Variants in ACOXL observed in about 807,000 individuals in gnomAD.
ACOXL encodes the protein acyl-CoA oxidase like, also known as acyl-coenzyme A oxidase-like protein.
A neutral mutation model predicts 71.9 loss-of-function variants in ACOXL; 70 were observed. The observed-to-expected ratio is 0.97, with a 90% CI of 0.80 to 1.19. The LOEUF (loss-of-function observed/expected upper bound fraction) is 1.19, where lower values mean the gene tolerates loss of function less well. ACOXL is among the 50% of genes most tolerant of loss of function. The probability of loss-of-function intolerance (pLI) is 0.00; values close to 1 mark genes in which losing one functional copy is unlikely to be tolerated. For missense variants in ACOXL, 703 were observed against 736.3 expected (o/e 0.95, Z 0.52); for synonymous variants, 253 against 281.6 (o/e 0.90, Z 1.02).
chr2:110,767,923 AACACACACACACACACAC>A (rs58524964), intron 1 of ACOXL, among the ~76,000 whole-genome samples: 2,182 of 114,444 alleles, frequency 0.019, 68 homozygotes, highest in African/African-American at 0.067. Flanking sequence ...GTCTCTACTA[AACACACACACACACACAC>A]ACACACACAC....
At chr2:110,777,276 C>T (rs943000675) in intron 2 of ACOXL, among the ~76,000 whole-genome samples, 1 of 152,028 alleles carries the variant, frequency 6.6e-6, no homozygotes, top group East Asian at 1.9e-4. Context: ...AAGGGTGGAG[C>T]CTGGTGGGAA....
intron 9 of ACOXL, among the ~76,000 whole-genome samples, chr2:110,813,404 C>T (rs1687569968): frequency 6.6e-6 from 1 of 152,160 alleles, no homozygotes; most frequent in Non-Finnish European, 1.5e-5. Context: ...GTGCTCCCAG[C>T]CAGGCCTCTG....
At chr2:111,081,648 C>T (rs575807216) in intron 16 of ACOXL, among the ~76,000 whole-genome samples, 4 of 152,310 alleles carry the variant, frequency 2.6e-5, no homozygotes, top group East Asian at 3.9e-4. Flanking sequence ...CATTGACTTT[C>T]TTCACAGAAT....
At chr2:110,812,240 T>G (rs1487669741) in intron 9 of ACOXL, among the ~76,000 whole-genome samples, 2 of 152,226 alleles carry the variant, frequency 1.3e-5, no homozygotes, top group African/African-American at 4.8e-5. Context: ...ATAAAATGGT[T>G]AAATAATGTT....
rs527565294 is a variant in ACOXL, at chr2:110,830,299, T to C, written c.754-11072T>C. ...TCTCTCTATGTAATTATATAAATAA[T>C]TACCTAACATCAGGTATTGACTCAA... On this transcript the variant is annotated intron_variant, in intron 9 of 17. Coordinates refer to ENST00000439055, the MANE Select transcript of ACOXL (RefSeq NM_001142807.4). Among the ~76,000 whole-genome samples the C allele has an allele frequency of 2.6e-5, 4 of 152,272 alleles. No homozygotes were observed. The South Asian group carries it at 8.3e-4, about 32-fold the overall frequency.
At chr2:110,897,848 A>G (rs1411631891) in intron 10 of ACOXL, among the ~76,000 whole-genome samples, 1 of 152,134 alleles carries the variant, frequency 6.6e-6, no homozygotes, top group Non-Finnish European at 1.5e-5. Flanking sequence ...ACGTTTTGAC[A>G]GTGAGACTGT....
At chr2:110,988,052 G>T (rs757106348) in intron 13 of ACOXL, among the ~76,000 whole-genome samples, 1 of 152,198 alleles carries the variant, frequency 6.6e-6, no homozygotes, top group Non-Finnish European at 1.5e-5. Context: ...GAAGCAAACA[G>T]TTCATGGAGC....
chr2:110,978,980 G>A (rs1034101248), intron 12 of ACOXL, among the ~76,000 whole-genome samples: 3 of 152,120 alleles, frequency 2.0e-5, no homozygotes, highest in African/African-American at 7.2e-5. Context: ...GTTGGGAGGG[G>A]GCTGACACAC....
chr2:110,990,422 T>G (rs2063126346), intron 13 of ACOXL, among the ~76,000 whole-genome samples: 1 of 152,236 alleles, frequency 6.6e-6, no homozygotes, highest in Non-Finnish European at 1.5e-5. Flanking sequence ...TGTAGATTCT[T>G]TGGAGTTTTT....
At chr2:111,117,201 A>AC (rs1448587145) in intron 17 of ACOXL, among the ~76,000 whole-genome samples, 1 of 151,958 alleles carries the variant, frequency 6.6e-6, no homozygotes, top group Non-Finnish European at 1.5e-5. Context: ...AGAGGGTGGC[A>AC]CCCCAGGCAC....
chr2:110,997,532 A>G (rs1468418234), intron 14 of ACOXL, among the ~76,000 whole-genome samples: 1 of 152,210 alleles, frequency 6.6e-6, no homozygotes, highest in Non-Finnish European at 1.5e-5. Flanking sequence ...ATCTAAGCAT[A>G]ATATTCCAAG....
chr2:110,914,809 T>C (rs1166345133), intron 11 of ACOXL, among the ~76,000 whole-genome samples: 1 of 152,200 alleles, frequency 6.6e-6, no homozygotes, highest in Non-Finnish European at 1.5e-5. Flanking sequence ...TCACTGCAGA[T>C]TGTTATTGTC....
chr2:110,875,366 G>T (rs1695777121), intron 10 of ACOXL, among the ~76,000 whole-genome samples: 1 of 152,252 alleles, frequency 6.6e-6, no homozygotes, highest in Non-Finnish European at 1.5e-5. Flanking sequence ...AAAGAAGAAT[G>T]CAGCTTTGAA....
At chr2:110,955,084 G>C (rs1009239384) in intron 12 of ACOXL, among the ~76,000 whole-genome samples, 2 of 151,986 alleles carry the variant, frequency 1.3e-5, no homozygotes, top group African/African-American at 4.8e-5. Context: ...TATAAATTTG[G>C]TTGTATTTTT....
chr2:110,977,826 TG>T (rs1397509634), intron 12 of ACOXL, among the ~76,000 whole-genome samples: 1 of 152,188 alleles, frequency 6.6e-6, no homozygotes, highest in Non-Finnish European at 1.5e-5. Context: ...GTATTAATTT[TG>T]TGTCTTAATT....
intron 14 of ACOXL, among the ~76,000 whole-genome samples, chr2:111,026,493 CA>C (rs1468647458): frequency 6.7e-6 from 1 of 148,836 alleles, no homozygotes; most frequent in African/African-American, 2.4e-5. Context: ...ATAGATCTTA[CA>C]TTTTATAAAA....
At chr2:110,968,448 A>G in intron 12 of ACOXL, 1 of 1,198,946 alleles carries the variant, frequency 8.3e-7, no homozygotes, top group South Asian at 1.2e-5. Context: ...AGAATGTTGC[A>G]GATTACCTGT....
chr2:111,079,705 A>T (rs1290411879), intron 16 of ACOXL, among the ~76,000 whole-genome samples: 1 of 152,166 alleles, frequency 6.6e-6, no homozygotes, highest in Non-Finnish European at 1.5e-5. Context: ...GTCCTCAAGT[A>T]GCTTCTCCAT....
At chr2:110,840,913 G>A (rs897497820) in intron 9 of ACOXL, among the ~76,000 whole-genome samples, 1 of 152,184 alleles carries the variant, frequency 6.6e-6, no homozygotes, top group Non-Finnish European at 1.5e-5. Context: ...GCTCCACTTG[G>A]TGCTCCTAGG....
Sources: allele counts gnomAD v4.1 joint callset (sites outside exome capture counted in the v4.1 genomes callset), GRCh38; gene constraint gnomAD v4.1.1; transcripts MANE v1.5; gene names NCBI Gene and HGNC (gene_info 2026-07-23, HGNC 2026-07-21).